EHBP1: variants seen among roughly 807,000 people sequenced by gnomAD.
The protein encoded by EHBP1 is EH domain-binding protein 1.
Under a neutral mutation model 144.0 loss-of-function variants are expected in EHBP1, and 55 were observed. The observed-to-expected ratio is 0.38, with a 90% confidence interval of 0.31 to 0.48. EHBP1 has a LOEUF of 0.48. EHBP1 is among the 20% of genes least tolerant of loss of function. The pLI is 0.98. For synonymous variants in EHBP1, 469 were observed against 472.7 expected (o/e 0.99, Z 0.10); for missense variants, 1,200 against 1,364.2 (o/e 0.88, Z 1.90).
chr2:62,716,516 T>G (rs901176163), intron 2 of EHBP1, among the ~76,000 whole-genome samples: 1 of 152,248 alleles, frequency 6.6e-6, no homozygotes, highest in African/African-American at 2.4e-5. Flanking sequence ...CCAAATAGAT[T>G]GGTATCATGT....
chr2:62,923,914 C>T (rs1479355250), intron 10 of EHBP1, among the ~76,000 whole-genome samples: 1 of 152,208 alleles, frequency 6.6e-6, no homozygotes, highest in Non-Finnish European at 1.5e-5. Flanking sequence ...CTGCGATCCA[C>T]CTCCAGTGGA....
intron 10 of EHBP1, among the ~76,000 whole-genome samples, chr2:62,920,798 GATTAC>G (rs1558916214): frequency 2.6e-5 from 4 of 152,090 alleles, no homozygotes; most frequent in African/African-American, 9.6e-5. Context: ...GAGTAGCTGC[GATTAC>G]AGGCATATAC....
Position 63,043,146 on chromosome 2 carries a change from A to G in EHBP1, c.3278-1920A>G, listed in dbSNP as rs1199083851. Among the ~76,000 whole-genome samples the G allele has an allele frequency of 2.0e-5, 3 of 152,122 alleles. No individual in the cohort carries two copies. In the East Asian group the frequency reaches 5.8e-4, roughly 29 times the overall value. On this transcript the variant is annotated intron_variant, in intron 21 of 22. Coordinates refer to ENST00000431489, the MANE Select transcript of EHBP1 (RefSeq NM_001142616.3). ...CTAGATGACCTTTAAGATCTTTCCA[A>G]CCTGGAGAGCCTATTAATTTACCTG...
At chr2:62,695,567 C>T (rs1407614620) in intron 1 of EHBP1, among the ~76,000 whole-genome samples, 1 of 151,980 alleles carries the variant, frequency 6.6e-6, no homozygotes, top group Admixed American at 6.6e-5. Flanking sequence ...GGGAGAGTTT[C>T]CATTTTTGTC....
chr2:62,917,935 C>T (rs1043095950), intron 10 of EHBP1, among the ~76,000 whole-genome samples: 13 of 150,704 alleles, frequency 8.6e-5, no homozygotes, highest in Non-Finnish European at 1.5e-4. Flanking sequence ...CTCACTTTGT[C>T]GCCCAGGCTG....
At chr2:62,838,982 C>T (rs1263770723) in intron 7 of EHBP1, among the ~76,000 whole-genome samples, 3 of 143,966 alleles carry the variant, frequency 2.1e-5, no homozygotes, top group Admixed American at 7.0e-5. Flanking sequence ...TCCTCCCTAA[C>T]TCATTTTATG....
chr2:62,754,864 C>T (rs891061713), intron 3 of EHBP1, among the ~76,000 whole-genome samples: 1 of 152,140 alleles, frequency 6.6e-6, no homozygotes, highest in Non-Finnish European at 1.5e-5. Context: ...GGGAGTGACC[C>T]GATTTTCCAG....
At chr2:62,683,527 C>T (rs556524692) in intron 1 of EHBP1, among the ~76,000 whole-genome samples, 5 of 151,874 alleles carry the variant, frequency 3.3e-5, no homozygotes, top group Non-Finnish European at 5.9e-5. Flanking sequence ...GGCATGGTGG[C>T]GGGCGCCTGT....
At chr2:62,921,006 G>A (rs1007558905) in intron 10 of EHBP1, among the ~76,000 whole-genome samples, 2 of 152,144 alleles carry the variant, frequency 1.3e-5, no homozygotes, top group Admixed American at 6.5e-5. Flanking sequence ...GCAAAATTCT[G>A]TTTGGATAAA....
intron 2 of EHBP1, among the ~76,000 whole-genome samples, chr2:62,736,612 A>T (rs1212680814): frequency 1.3e-5 from 2 of 152,194 alleles, no homozygotes; most frequent in African/African-American, 4.8e-5. Context: ...GTCTACCAAT[A>T]AACCTATCAA....
intron 2 of EHBP1, chr2:62,726,642 C>T (rs1046394290): frequency 6.6e-6 from 1 of 152,096 alleles, no homozygotes; most frequent in Non-Finnish European, 1.5e-5. Context: ...TTATTTTAGA[C>T]TTGTTAAGTG....
At position 63,045,839 on chromosome 2, in the gene EHBP1, A is replaced by T. The variant is rs1454741660; in HGVS notation, c.*339A>T. ...AACACTTCCCTCGTTATTTTCTCTC[A>T]TTTTTTGATGAGAGGAAAATTTGAA... On this transcript the variant is annotated 3_prime_UTR_variant, in exon 23 of 23. Transcript: ENST00000431489. This position sits in a 1 kb window ranked among gnomAD's most constrained non-coding sequence, Gnocchi z 5.7. 5.4e-6 allele frequency: 1 copy of T among 186,252 alleles called. No homozygotes were observed. Among genetic ancestry groups the T allele is most frequent in the Admixed American group, 5.7e-5 (1 of 17,546 alleles). 11.5% of individuals were successfully genotyped at this position (186,252 alleles called of 1,614,324 possible).
chr2:62,885,781 G>A (rs935000639), intron 10 of EHBP1, among the ~76,000 whole-genome samples: 2 of 152,160 alleles, frequency 1.3e-5, no homozygotes, highest in Non-Finnish European at 2.9e-5. Flanking sequence ...ATTCCATGAT[G>A]AAATGAGTCT....
intron 7 of EHBP1, among the ~76,000 whole-genome samples, chr2:62,841,991 T>G (rs1255073791): frequency 6.6e-6 from 1 of 152,112 alleles, no homozygotes; most frequent in Non-Finnish European, 1.5e-5. Flanking sequence ...TGTTATCTGG[T>G]GAGAGCCTGT....
intron 10 of EHBP1, among the ~76,000 whole-genome samples, chr2:62,907,557 G>A (rs2152965954): frequency 6.6e-6 from 1 of 152,270 alleles, no homozygotes; most frequent in Non-Finnish European, 1.5e-5. Flanking sequence ...TCTTCTCACA[G>A]TGTCCTCACC....
rs766877013 is a variant in EHBP1 at position 63,045,528 on chromosome 2, A to C, written c.*28A>C. 1.6e-4 allele frequency: 252 copies of C among 1,564,116 alleles called. No individual in the cohort carries two copies. Among genetic ancestry groups the C allele is most frequent in the Admixed American group, 2.9e-4 (17 of 57,654 alleles). On this transcript the variant is annotated 3_prime_UTR_variant, in exon 23 of 23. Transcript: ENST00000431489. This position sits in a 1 kb window ranked among gnomAD's most constrained non-coding sequence, Gnocchi z 5.7. Reference sequence around the variant, plus strand: ...ATCAGATCAGAAAGAATCTCTCCCAACATTTTAGAGTCTTGCTTCCCAAAC... The same window carrying C: ...ATCAGATCAGAAAGAATCTCTCCCACCATTTTAGAGTCTTGCTTCCCAAAC...
At chr2:62,719,690 TA>T (rs2036025989) in intron 2 of EHBP1, among the ~76,000 whole-genome samples, 1 of 152,330 alleles carries the variant, frequency 6.6e-6, no homozygotes, top group East Asian at 1.9e-4. Flanking sequence ...CATTATTCTC[TA>T]AAAAATACAG....
Position 62,874,461 on chromosome 2 carries a change from C to G in EHBP1, c.1114C>G (p.Leu372Val). 5.0e-6 allele frequency: 8 copies of G among 1,613,212 alleles called. No homozygotes were observed. Among genetic ancestry groups the G allele is most frequent in the Non-Finnish European group, 6.8e-6 (8 of 1,179,520 alleles). The change falls in exon 10 of 23, where the codon CTC (leucine) becomes GTC (valine). Residue 372 changes from leucine (L) to valine (V), a missense_variant. Leu to Val is a conservative substitution (Grantham distance 32, BLOSUM62 1). Transcript: ENST00000431489. ...AAGAAAGGCCCCGGCTCCACCAGTCCTCTCACCAAAAACAGGAGTATTAAA... is the reference window on the plus strand; with the variant it reads ...AAGAAAGGCCCCGGCTCCACCAGTCGTCTCACCAAAAACAGGAGTATTAAA... The part of the protein sequence containing the change: ...VKRKAPAPPV[L>V]SPKTGVLNEN...
intron 5 of EHBP1, among the ~76,000 whole-genome samples, chr2:62,824,111 A>G (rs2046174813): frequency 6.6e-6 from 1 of 152,034 alleles, no homozygotes; most frequent in South Asian, 2.1e-4. Flanking sequence ...CATACTTTTT[A>G]TTCTAAAAAA....
Sources: gnomAD v4.1 joint callset for allele counts (sites outside exome capture counted in the v4.1 genomes callset) on GRCh38, gnomAD v4.1.1 for gene constraint, Gnocchi (gnomAD v3.1) non-coding constraint, MANE v1.5 for transcripts, NCBI Gene and HGNC (gene_info 2026-07-23, HGNC 2026-07-21) for gene names.